CAPN12: variants seen among roughly 807,000 people sequenced by gnomAD.
CAPN12 encodes calpain 12.
A neutral mutation model predicts 95.0 loss-of-function variants in CAPN12; 107 were observed. That is an observed-to-expected ratio of 1.13 (90% CI 0.96 to 1.32). The LOEUF is 1.32. Among genes scored for constraint, CAPN12 ranks in the 40% most tolerant of loss-of-function variants. The probability of loss-of-function intolerance (pLI) is 0.00; values close to 1 mark genes in which losing one functional copy is unlikely to be tolerated. For missense variants in CAPN12, 1,136 were observed against 997.8 expected (o/e 1.14, Z -1.87); for synonymous variants, 505 against 415.5 (o/e 1.22, Z -2.62).
intron 3 of CAPN12, chr19:38,742,209 C>T (rs894939255): frequency 1.1e-5 from 7 of 620,242 alleles, no homozygotes; most frequent in Admixed American, 8.8e-5. Context: ...GCCTGTAATC[C>T]CAGCTACTCA....
In CAPN12 at chr19:38,740,138, C is replaced by G; in HGVS notation, c.642G>C (p.Val214=). The G allele has an allele frequency of 1.2e-6, 2 of 1,613,662 alleles. No homozygotes were observed. The highest frequency in any genetic ancestry group is 1.7e-6 in the Non-Finnish European group (2 of 1,179,846). Residue 214 remains valine, a synonymous_variant, in exon 5 of 21, where the codon GTG becomes GTC. Transcript: ENST00000328867. The stretch of plus-strand genomic sequence containing the variant: ...CCATGCTGTTTTGTCTCAGATAGAG[C>G]ACCTCGCCCACGCCGCCTGTGAAAT... The part of the protein sequence containing the change: ...FVDFTGGVGE[V]LYLRQNSMGL...
chr19:38,736,743 T>C, intron 10 of CAPN12, 180 bp from the exon 11 acceptor site: 1 of 721,660 alleles, frequency 1.4e-6, no homozygotes. Context: ...CCCCAACTCT[T>C]CCTTCCCCAT....
chr19:38,739,939 C>CT, intron 5 of CAPN12, 112 bp downstream of exon 5: 1 of 1,159,840 alleles, frequency 8.6e-7, no homozygotes, highest in South Asian at 1.9e-5. Flanking sequence ...ATGAGCGAGC[C>CT]TAAGCCAGTA....
chr19:38,736,875 G>A (rs1970215241), intron 10 of CAPN12: 3 of 556,144 alleles, frequency 5.4e-6, no homozygotes, highest in Non-Finnish European at 9.5e-6. Flanking sequence ...CATTCCCTTA[G>A]CTCCCTCTCC....
Position 38,743,331 on chromosome 19 carries a change from TCCCGAGCC to T in CAPN12, c.238-237_238-230del, listed in dbSNP as rs1568328989. 8.1e-4 allele frequency among the ~76,000 whole-genome samples: 92 copies of T among 112,888 alleles called. 1 individual carries two copies. The highest frequency in any genetic ancestry group is 5.6e-3 in the Middle Eastern group (1 of 178). The allele number at this position is 112,888 out of a possible 152,430, so 74.1% of individuals were successfully genotyped here. ...CCTCCCTCAGACCCAGGAGTCCATG[TCCCGAGCC>T]CCTCCTCCCTCAGACCCAGGAGTCC... On this transcript the variant is annotated intron_variant, in intron 1 of 20. Coordinates refer to ENST00000328867, the MANE Select transcript of CAPN12 (RefSeq NM_144691.4).
intron 4 of CAPN12, 76 bp downstream of exon 4, chr19:38,741,701 G>C: frequency 6.4e-7 from 1 of 1,562,960 alleles, no homozygotes; most frequent in Non-Finnish European, 8.7e-7. Flanking sequence ...GAGCTTGGGG[G>C]ACTCTGGGTC....
In CAPN12 at chr19:38,743,051, C is replaced by T. The variant is rs758420600; in HGVS notation, c.289G>A (p.Val97Met). Residue 97 changes from valine to methionine, a missense_variant, in exon 2 of 21, where the codon GTG (valine) becomes ATG (methionine). Physicochemically the swap from Val to Met is conservative, Grantham distance 21. Transcript: ENST00000328867. ...GTCTCACCCAGGCTCCCCTGACACA[C>T]GTCTGTGCGGCTCATGTCTTCACAG... ...FICEDMSRTD[V>M]CQGSLGNCWF... 6.2e-6 allele frequency: 10 copies of T among 1,613,972 alleles called. No homozygotes were observed. Among genetic ancestry groups the T allele is most frequent in the South Asian group, 4.4e-5 (4 of 91,082 alleles).
At position 38,742,465 on chromosome 19, in the gene CAPN12, AC is replaced by A. The variant is rs1350133392; in HGVS notation, c.370del (p.Val124TrpfsTer42). ...CTGGAAATCCTGTCCAGGAGGGACC[AC>A]CCGGCGCAGGAGCCGGGGATACAGA... ...LTLYPRLLRRVVPPGQDFQHG... is the reference protein window; with the variant it reads ...LTLYPRLLRRXVPPGQDFQHG... On this transcript the variant is annotated frameshift_variant, in exon 3 of 21. Coordinates refer to ENST00000328867, the MANE Select transcript of CAPN12 (RefSeq NM_144691.4). LOFTEE classifies it high-confidence loss of function. The A allele has an allele frequency of 1.2e-6, 2 of 1,613,940 alleles. No homozygotes were observed. Among genetic ancestry groups the A allele is most frequent in the Middle Eastern group, 1.7e-4 (1 of 6,060 alleles).
At chr19:38,742,195 G>T in intron 3 of CAPN12, 1 of 611,206 alleles carries the variant, frequency 1.6e-6, no homozygotes, top group African/African-American at 1.9e-5. Context: ...GCATGATGGC[G>T]GGTGCCTGTA....
Position 38,734,816 on chromosome 19 carries a change from G to A in CAPN12, c.1741C>T (p.Pro581Ser), listed in dbSNP as rs1280810425. ...GCCCCTATCCCAGCCAACTCACCAGGCTCCAGGGCAATGCTTAGTAAGGCC... is the reference window on the plus strand; with the variant it reads ...GCCCCTATCCCAGCCAACTCACCAGACTCCAGGGCAATGCTTAGTAAGGCC... ...LQALLSIALE[P>S]ARAHTSTPRE... Residue 581 changes from proline (P) to serine (S), a missense_variant, in exon 15 of 21, where the codon CCT becomes TCT. Physicochemically the swap from Pro to Ser is moderately conservative, Grantham distance 74. Coordinates refer to ENST00000328867, the MANE Select transcript of CAPN12 (RefSeq NM_144691.4). The A allele has an allele frequency of 4.3e-6, 7 of 1,612,420 alleles. No individual in the cohort carries two copies. Among genetic ancestry groups the A allele is most frequent in the Non-Finnish European group, 5.9e-6 (7 of 1,179,696 alleles).
chr19:38,731,295 T>C, intron 18 of CAPN12, 72 bp from the exon 19 acceptor site: 1 of 1,188,408 alleles, frequency 8.4e-7, no homozygotes, highest in South Asian at 1.2e-5. Flanking sequence ...CCACCCCACC[T>C]CCTCAGGGAG....
At chr19:38,736,889 C>T (rs1970217017) in intron 10 of CAPN12, 2 of 486,286 alleles carry the variant, frequency 4.1e-6, no homozygotes, top group Non-Finnish European at 7.4e-6. Flanking sequence ...CCTCTCCCCT[C>T]TGAGACCTGG....
Position 38,744,132 on chromosome 19 carries a change from G to A in CAPN12, c.34C>T (p.Leu12Phe). 4 of 1,614,098 alleles carry A rather than the reference G, an allele frequency of 2.5e-6. No homozygotes were observed. The highest frequency in any genetic ancestry group is 1.7e-6 in the Non-Finnish European group (2 of 1,180,044). The part of the protein sequence containing the change: ...ASSSGRVTIQ[L>F]VDEEAGVGAG... ...CCGACCCCAGCCTCCTCATCCACGA[G>A]CTGGATGGTGACCCTCCCACTGCTG... The change falls in exon 1 of 21, where the codon CTC becomes TTC. Residue 12 changes from leucine (L) to phenylalanine (F), a missense_variant. By Grantham distance (22) the Leu-to-Phe change is conservative (BLOSUM62 0). Coordinates refer to ENST00000328867, the MANE Select transcript of CAPN12 (RefSeq NM_144691.4).
Position 38,734,127 on chromosome 19 carries a change from A to G in CAPN12, c.1878+15T>C, listed in dbSNP as rs1969836514. 2 of 1,611,912 alleles carry G rather than the reference A, an allele frequency of 1.2e-6. No homozygotes were observed. Among genetic ancestry groups the G allele is most frequent in the South Asian group, 2.2e-5 (2 of 91,046 alleles). On this transcript the variant is annotated intron_variant, in intron 17 of 20. Transcript: ENST00000328867. ...TTTCTCTCTTTCTGGGAAGAGGCCC[A>G]GTCTCCCACCTCACCTGCCACTCCA... is the stretch of plus-strand genomic sequence containing the variant.
chr19:38,733,919 C>T, intron 17 of CAPN12, 138 bp from the exon 18 acceptor site: 1 of 809,072 alleles, frequency 1.2e-6, no homozygotes, highest in Non-Finnish European at 2.0e-6. Flanking sequence ...AGCCTAGCCA[C>T]TTGGGACTTC....
At chr19:38,740,850 A>G (rs1247973660) in intron 4 of CAPN12, among the ~76,000 whole-genome samples, 6 of 151,344 alleles carry the variant, frequency 4.0e-5, no homozygotes, top group Non-Finnish European at 7.4e-5. Context: ...TGTGGCACAT[A>G]CAGAAGCCCT....
At position 38,737,500 on chromosome 19, in the gene CAPN12, G is replaced by A. The variant is rs765904649; in HGVS notation, c.1104C>T (p.Asn368=). Residue 368 remains asparagine, a synonymous_variant, in exon 9 of 21, where the codon AAC becomes AAT. Coordinates refer to ENST00000328867, the MANE Select transcript of CAPN12 (RefSeq NM_144691.4). ...TFQGRWVRGF[N]SGGSQPNAET... is the part of the protein sequence containing the mutation. Reference sequence around the variant, plus strand: ...CAGCATTAGGCTGGCTCCCGCCGGAGTTGAAGCCACGCACCCAGCGGCCTT... The same window carrying A: ...CAGCATTAGGCTGGCTCCCGCCGGAATTGAAGCCACGCACCCAGCGGCCTT... 1.2e-6 allele frequency: 2 copies of A among 1,612,740 alleles called. No homozygotes were observed. The highest frequency in any genetic ancestry group is 1.3e-5 in the African/African-American group (1 of 75,056).
rs919872609 is a variant in CAPN12, at chr19:38,737,188, T to C, written c.1330A>G (p.Thr444Ala). The C allele has an allele frequency of 6.5e-6, 10 of 1,547,278 alleles. No homozygotes were observed. The highest frequency in any genetic ancestry group is 7.8e-6 in the Non-Finnish European group (9 of 1,147,100). ...ACGTGGAAGCCAACGGTGAGGTAAG[T>C]GAGGCCCTTGGCTCTCAGGCGCCGC... ...NRRRLRAKGLTYLTVGFHVFQ... is the reference protein window; with the variant it reads ...NRRRLRAKGLAYLTVGFHVFQ... The change falls in exon 10 of 21, where the codon ACT becomes GCT. Residue 444 changes from threonine to alanine, a missense_variant. Coordinates refer to ENST00000328867, the MANE Select transcript of CAPN12 (RefSeq NM_144691.4).
In CAPN12 at chr19:38,744,013, G is replaced by A. The variant is rs769020269; in HGVS notation, c.153C>T (p.Phe51=). Reference sequence around the variant, plus strand: ...AGCCAAGGGCATCAGGGCCAGCAGGGAAGTAAGGGTCGCGGAACAGGATCC... The same window carrying A: ...AGCCAAGGGCATCAGGGCCAGCAGGAAAGTAAGGGTCGCGGAACAGGATCC... The part of the protein sequence containing the change: ...DSGILFRDPY[F]PAGPDALGYD... The change falls in exon 1 of 21, where the codon TTC becomes TTT. Residue 51 remains phenylalanine, a synonymous_variant. Coordinates refer to ENST00000328867, the MANE Select transcript of CAPN12 (RefSeq NM_144691.4). 1.2e-6 allele frequency: 2 copies of A among 1,614,102 alleles called. No homozygotes were observed. Among genetic ancestry groups the A allele is most frequent in the Non-Finnish European group, 8.5e-7 (1 of 1,180,038 alleles).
Sources: gnomAD v4.1 joint callset for allele counts (sites outside exome capture counted in the v4.1 genomes callset) on GRCh38, gnomAD v4.1.1 for gene constraint, MANE v1.5 for transcripts, NCBI Gene and HGNC (gene_info 2026-07-23, HGNC 2026-07-21) for gene names.